Variants in TSC22D1 observed in about 807,000 individuals in gnomAD.
The protein encoded by TSC22D1 is TSC22 domain family protein 1.
Under a neutral mutation model 74.2 loss-of-function variants are expected in TSC22D1, and 9 were observed. That is an observed-to-expected ratio of 0.12 (90% confidence interval 0.07 to 0.21). The LOEUF (loss-of-function observed/expected upper bound fraction) is 0.21. TSC22D1 is among the 10% of genes least tolerant of loss of function. The probability of loss-of-function intolerance (pLI) is 1.00; values close to 1 mark genes in which losing one functional copy is unlikely to be tolerated. For synonymous variants in TSC22D1, 586 were observed against 492.5 expected, an observed-to-expected ratio of 1.19 and a Z score of -2.51; for missense variants, 1,427 against 1,304.7, an observed-to-expected ratio of 1.09 and a Z score of -1.44.
intron 1 of TSC22D1, among the ~76,000 whole-genome samples, chr13:44,489,438 AGAGAT>A (rs1878600880): frequency 6.6e-6 from 1 of 152,080 alleles, no homozygotes; most frequent in Non-Finnish European, 1.5e-5. Flanking sequence ...CATGGAGAGA[AGAGAT>A]ATTTGTTAAA....
intron 1 of TSC22D1, among the ~76,000 whole-genome samples, chr13:44,440,479 T>C (rs1035206815): frequency 2.7e-5 from 4 of 150,178 alleles, no homozygotes; most frequent in Non-Finnish European, 5.9e-5. Flanking sequence ...TAATCCCAGC[T>C]ACTGGGGAGG....
intron 1 of TSC22D1, among the ~76,000 whole-genome samples, chr13:44,457,110 C>G (rs559700438): frequency 6.6e-6 from 1 of 152,236 alleles, no homozygotes. Flanking sequence ...GCGTAATGCA[C>G]ATTTCACATT....
At chr13:44,502,003 C>T (rs76346858) in intron 1 of TSC22D1, among the ~76,000 whole-genome samples, 3,201 of 152,264 alleles carry the variant, frequency 0.021, 96 homozygotes, top group African/African-American at 0.069. Flanking sequence ...CACATCTTAT[C>T]CTACATGGTT....
chr13:44,497,300 T>C (rs998972350), intron 1 of TSC22D1, among the ~76,000 whole-genome samples: 1 of 152,170 alleles, frequency 6.6e-6, no homozygotes, highest in African/African-American at 2.4e-5. Flanking sequence ...CAAGGTCACA[T>C]AGTATATGAT....
Position 44,437,729 on chromosome 13 carries a change from T to A in TSC22D1, c.2913-1634A>T, listed in dbSNP as rs1046298912. Among the ~76,000 whole-genome samples, 4 of 152,210 alleles carry A rather than the reference T, an allele frequency of 2.6e-5. No homozygotes were observed. The South Asian group carries it at 8.3e-4, about 31-fold the overall frequency. ...TTTTTGCAAGCTGAGTGACAATTCC[T>A]CTAAGACTCAATCCCTCAATCCTAT... On this transcript the variant is annotated intron_variant, in intron 1 of 2. Transcript: ENST00000458659.
chr13:44,472,265 T>C (rs1877647499), intron 1 of TSC22D1, among the ~76,000 whole-genome samples: 1 of 152,188 alleles, frequency 6.6e-6, no homozygotes, highest in South Asian at 2.1e-4. Flanking sequence ...GGGTCACAAA[T>C]GCAAAGATAA....
intron 1 of TSC22D1, among the ~76,000 whole-genome samples, chr13:44,514,421 A>G (rs1879874505): frequency 6.6e-6 from 1 of 152,076 alleles, no homozygotes. Context: ...CAAAAAAACC[A>G]CCATGAACAA....
chr13:44,573,802 G>T lies in TSC22D1; in HGVS notation c.2273C>A (p.Ala758Asp). 1 of 1,614,256 alleles carries T rather than the reference G, an allele frequency of 6.2e-7. No homozygotes were observed. Among genetic ancestry groups the T allele is most frequent in the Non-Finnish European group, 8.5e-7 (1 of 1,180,046 alleles). The change falls in exon 1 of 3, where the codon GCT becomes GAT. Residue 758 changes from alanine to aspartate, a missense_variant. Transcript: ENST00000458659. Reference protein sequence around the residue: ...QVPPSVIQQGAPPSSQVVPPA... With the variant: ...QVPPSVIQQGDPPSSQVVPPA... ...TGGAACCACTTGCGAAGATGGAGGAGCACCCTGCTGAATAACTGAAGGTGG... is the reference window on the plus strand; with the variant it reads ...TGGAACCACTTGCGAAGATGGAGGATCACCCTGCTGAATAACTGAAGGTGG...
chr13:44,448,443 A>C (rs1875857995), intron 1 of TSC22D1, among the ~76,000 whole-genome samples: 2 of 152,178 alleles, frequency 1.3e-5, no homozygotes, highest in African/African-American at 4.8e-5. Flanking sequence ...AATCAGATGA[A>C]GCTCAATTAC....
chr13:44,509,950 C>CAAAAAAAAAAAAAAAAAAAAAAGAAAAA, intron 1 of TSC22D1, among the ~76,000 whole-genome samples: 1 of 51,426 alleles, frequency 1.9e-5, no homozygotes, highest in Non-Finnish European at 3.6e-5. Context: ...AGAAAATAAG[C>CAAAAAAAAAAAAAAAAAAAAAAGAAAAA]AAAAAAAAAA....
chr13:44,532,741 G>A (rs1231464870), intron 1 of TSC22D1, among the ~76,000 whole-genome samples: 1 of 152,144 alleles, frequency 6.6e-6, no homozygotes, highest in East Asian at 1.9e-4. Context: ...CCGAAGTGCT[G>A]GGATTACAGG....
In TSC22D1 at chr13:44,549,791, A is replaced by AAG. The variant is rs1472777706; in HGVS notation, c.2912+23371_2912+23372insCT. Among the ~76,000 whole-genome samples, 58 of 151,482 alleles carry AAG rather than the reference A, an allele frequency of 3.8e-4. 1 individual carries two copies. Among genetic ancestry groups the AAG allele is most frequent in the African/African-American group, 1.2e-3 (50 of 41,310 alleles). ...CAAAAAAAAAGAAAAAAAAAAAAAA[A>AAG]AAGAAGAAGGCGGCGGCGGCAAGAA... On this transcript the variant is annotated intron_variant, in intron 1 of 2. Coordinates refer to ENST00000458659, the MANE Select transcript of TSC22D1 (RefSeq NM_183422.4).
chr13:44,519,885 A>T (rs1880227680), intron 1 of TSC22D1, among the ~76,000 whole-genome samples: 1 of 152,194 alleles, frequency 6.6e-6, no homozygotes, highest in Admixed American at 6.5e-5. Context: ...ATGATGGATT[A>T]TGGTGTAAGG....
rs909316766 is a variant in TSC22D1 at position 44,433,588 on chromosome 13, C to A, written c.*1038G>T. The A allele has an allele frequency of 6.0e-6, 1 of 167,898 alleles. No homozygotes were observed. The highest frequency in any genetic ancestry group is 1.8e-4 in the South Asian group (1 of 5,490). The allele number at this position is 167,898 out of a possible 1,614,324, so 10.4% of individuals were successfully genotyped here. On this transcript the variant is annotated 3_prime_UTR_variant, in exon 3 of 3. Coordinates refer to ENST00000458659, the MANE Select transcript of TSC22D1 (RefSeq NM_183422.4). ...AACAGTTAAATACAGTGACACCTTA[C>A]AATTGTGTAGAGAACATGCACAGAA...
chr13:44,504,325 TCA>T (rs1174254779), intron 1 of TSC22D1, among the ~76,000 whole-genome samples: 2 of 150,150 alleles, frequency 1.3e-5, no homozygotes, highest in East Asian at 3.9e-4. Flanking sequence ...CTCTTAAAAG[TCA>T]CTGGGTGGGC....
chr13:44,440,390 C>A (rs1875091103), intron 1 of TSC22D1, among the ~76,000 whole-genome samples: 1 of 151,790 alleles, frequency 6.6e-6, no homozygotes, highest in South Asian at 2.1e-4. Flanking sequence ...ACCAGCCTTG[C>A]CAACATGGTA....
intron 1 of TSC22D1, among the ~76,000 whole-genome samples, chr13:44,452,391 C>T (rs1806275804): frequency 6.6e-6 from 1 of 152,156 alleles, no homozygotes; most frequent in African/African-American, 2.4e-5. Flanking sequence ...AGTTTATGGC[C>T]TCCTCTGTGC....
At chr13:44,498,093 A>C (rs967488466) in intron 1 of TSC22D1, among the ~76,000 whole-genome samples, 2 of 149,122 alleles carry the variant, frequency 1.3e-5, no homozygotes, top group South Asian at 2.1e-4. Context: ...AAAACCAAAA[A>C]AAAAACCAAA....
At chr13:44,484,210 G>C (rs994536740) in intron 1 of TSC22D1, among the ~76,000 whole-genome samples, 1 of 152,164 alleles carries the variant, frequency 6.6e-6, no homozygotes, top group African/African-American at 2.4e-5. Context: ...TGAACGTTTT[G>C]AGGTTTGAGT....
Sources: gnomAD v4.1 joint callset for allele counts (sites outside exome capture counted in the v4.1 genomes callset) on GRCh38, gnomAD v4.1.1 for gene constraint, MANE v1.5 for transcripts, NCBI Gene and HGNC (gene_info 2026-07-23, HGNC 2026-07-21) for gene names.